Variants in LIX1L observed in about 807,000 individuals in gnomAD.
LIX1L encodes the protein limb and CNS expressed 1 like, also known as LIX1-like protein.
Under a neutral mutation model 34.0 loss-of-function variants are expected in LIX1L, and 20 were observed. That is an observed-to-expected ratio of 0.59 (90% confidence interval 0.41 to 0.85). The LOEUF (loss-of-function observed/expected upper bound fraction) is 0.85, where lower values mean the gene tolerates loss of function less well. Among genes scored for constraint, LIX1L ranks in the 40% least tolerant of loss-of-function variants. The probability of loss-of-function intolerance (pLI) is 0.00; values close to 1 mark genes in which losing one functional copy is unlikely to be tolerated. For missense variants in LIX1L, 397 were observed against 447.0 expected (o/e 0.89, Z 1.01); for synonymous variants, 170 against 187.4 (o/e 0.91, Z 0.76).
rs587658296 is a variant in LIX1L, at chr1:145,935,870, A to G, written c.*440T>C. The G allele has an allele frequency of 4.1e-5, 7 of 170,556 alleles. No individual in the cohort carries two copies. In the East Asian group the frequency reaches 1.0e-3, roughly 25 times the overall value. 10.6% of individuals were successfully genotyped at this position (170,556 alleles called of 1,614,324 possible). On this transcript the variant is annotated 3_prime_UTR_variant, in exon 6 of 6. Transcript: ENST00000604000. ...GATAGCAAGCAGGTTCAGTTCAGGA[A>G]CTAAAGGCAAAATCTTCATACTCAT...
chr1:145,949,337 G>A (rs1553759543), intron 1 of LIX1L, among the ~76,000 whole-genome samples: 1 of 152,174 alleles, frequency 6.6e-6, no homozygotes, highest in East Asian at 1.9e-4. Flanking sequence ...ACCCTGAGGA[G>A]GCAATATCTA....
intron 1 of LIX1L, among the ~76,000 whole-genome samples, chr1:145,957,254 G>A (rs782721018): frequency 6.6e-6 from 1 of 152,166 alleles, no homozygotes; most frequent in African/African-American, 2.4e-5. Flanking sequence ...AAGACTGAGA[G>A]GGTATGGATG....
At chr1:145,936,671 T>C (rs1648658307) in intron 5 of LIX1L, 119 bp from the exon 6 acceptor site, 1 of 1,246,340 alleles carries the variant, frequency 8.0e-7, no homozygotes, top group South Asian at 1.4e-5. Flanking sequence ...AGCACCTAAG[T>C]TCTTCAAGGA....
Position 145,948,437 on chromosome 1 carries a change from C to T in LIX1L, c.293-655G>A, listed in dbSNP as rs1277300364. On this transcript the variant is annotated intron_variant, in intron 1 of 5. Transcript: ENST00000604000. The surrounding 1 kb of genome is among the most constrained non-coding windows in gnomAD (Gnocchi z 4.0). Reference sequence around the variant, plus strand: ...CCAATGAATATTCTTTTATGCAATACTGCTGGCTCAAGGAAATATAGCCCT... The same window carrying T: ...CCAATGAATATTCTTTTATGCAATATTGCTGGCTCAAGGAAATATAGCCCT... 6.6e-6 allele frequency among the ~76,000 whole-genome samples: 1 copy of T among 152,184 alleles called. No individual in the cohort carries two copies. The highest frequency in any genetic ancestry group is 1.5e-5 in the Non-Finnish European group (1 of 68,034).
chr1:145,957,668 C>A lies in LIX1L; in HGVS notation c.260G>T (p.Ser87Ile). Residue 87 changes from serine to isoleucine, a missense_variant, in exon 1 of 6, where the codon AGC becomes ATC. Transcript: ENST00000604000. ...ATAGCCCTGCGTGTGCTTGGCGAAG[C>A]TCCTCACCACGGCCTCCACGGCCTC... is the stretch of plus-strand genomic sequence containing the variant. ...LREAVEAVVR[S>I]FAKHTQGYGR... 6.5e-7 allele frequency: 1 copy of A among 1,541,746 alleles called. No individual in the cohort carries two copies. Among genetic ancestry groups the A allele is most frequent in the Non-Finnish European group, 8.7e-7 (1 of 1,149,660 alleles).
chr1:145,939,129 C>T lies in LIX1L; in HGVS notation c.598-1430G>A, dbSNP rs587693446. Among the ~76,000 whole-genome samples the T allele has an allele frequency of 4.6e-5, 7 of 151,440 alleles. No homozygotes were observed. In the South Asian group the frequency reaches 1.5e-3, roughly 32 times the overall value. ...AGTAGCTGGGATCACAGTCAAGTGC[C>T]TCCATACCCGGCTAATTATTTTATT... On this transcript the variant is annotated intron_variant, in intron 3 of 5. Coordinates refer to ENST00000604000, the MANE Select transcript of LIX1L (RefSeq NM_153713.3).
rs1439630237 is a variant in LIX1L at position 145,941,775 on chromosome 1, T to G, written c.597+938A>C. 3 of 152,188 alleles carry G rather than the reference T, an allele frequency of 2.0e-5. No homozygotes were observed. The East Asian group carries it at 5.8e-4, about 29-fold the overall frequency. 9.4% of individuals were successfully genotyped at this position (152,188 alleles called of 1,614,324 possible). A position where few individuals can be genotyped will look rare whatever the true frequency, so the allele number is the denominator to read the frequency against. ...CTCATCTGTAAAATAGGGGTAATAA[T>G]AGTACTTACACCTCATAAGATTGTT... On this transcript the variant is annotated intron_variant, in intron 3 of 5. Transcript: ENST00000604000.
chr1:145,946,116 AACAAAAAAAC>A (rs1649097490), intron 2 of LIX1L, among the ~76,000 whole-genome samples: 1 of 151,848 alleles, frequency 6.6e-6, no homozygotes, highest in African/African-American at 2.4e-5. Flanking sequence ...AAAACAAAAA[AACAAAAAAAC>A]AAAAAAAAAC....
chr1:145,937,286 G>A (rs1330129985), intron 4 of LIX1L: 5 of 207,458 alleles, frequency 2.4e-5, no homozygotes, highest in African/African-American at 9.3e-5. Flanking sequence ...AGCAATTCTC[G>A]TGCTTCAGCC....
chr1:145,949,940 T>G, intron 1 of LIX1L, among the ~76,000 whole-genome samples: 1 of 151,884 alleles, frequency 6.6e-6, no homozygotes, highest in Non-Finnish European at 1.5e-5. Context: ...CCTTAGCCTC[T>G]GAGTAGCTGG....
intron 1 of LIX1L, among the ~76,000 whole-genome samples, chr1:145,953,134 T>G (rs1553760007): frequency 6.6e-6 from 1 of 152,056 alleles, no homozygotes; most frequent in African/African-American, 2.4e-5. Context: ...CAGGCTGGTC[T>G]CAAACCCTAA....
rs1553757355 is a variant in LIX1L at position 145,934,188 on chromosome 1, A to C, written c.*2122T>G. Reference sequence around the variant, plus strand: ...AATATATATTAGAGACCTCCAAAAAAATTCTCTGAAAGGAGAATACTTTAG... The same window carrying C: ...AATATATATTAGAGACCTCCAAAAACATTCTCTGAAAGGAGAATACTTTAG... On this transcript the variant is annotated 3_prime_UTR_variant, in exon 6 of 6. Transcript: ENST00000604000. The C allele has an allele frequency of 6.6e-6, 1 of 152,158 alleles. No homozygotes were observed. Among genetic ancestry groups the C allele is most frequent in the African/African-American group, 2.4e-5 (1 of 41,418 alleles). 9.4% of individuals were successfully genotyped at this position (152,158 alleles called of 1,614,324 possible).
In LIX1L at chr1:145,936,924, C is replaced by T. The variant is rs1376769237; in HGVS notation, c.755G>A (p.Arg252Gln). The part of the protein sequence containing the change: ...WNGSLKAMRE[R>Q]QCSRQEVLAH... The stretch of plus-strand genomic sequence containing the variant: ...ATCTCTTACCTGCCGAGAGCATTGT[C>T]GTTCCCTCATGGCCTTAAGGCTGCC... Residue 252 changes from arginine (R) to glutamine (Q), a missense_variant, in exon 5 of 6, where the codon CGA becomes CAA. Around this residue, in one of 3 missense-constraint regions of LIX1L, gnomAD observed 174 missense variants for 204.0 expected, o/e 0.85. Transcript: ENST00000604000. The T allele has an allele frequency of 1.9e-6, 3 of 1,612,206 alleles. No individual in the cohort carries two copies. Among genetic ancestry groups the T allele is most frequent in the South Asian group, 2.2e-5 (2 of 91,024 alleles).
chr1:145,938,372 T>G (rs1188858378), intron 3 of LIX1L, among the ~76,000 whole-genome samples: 1 of 152,048 alleles, frequency 6.6e-6, no homozygotes, highest in Non-Finnish European at 1.5e-5. Flanking sequence ...AGACACACTG[T>G]CCTGCATTCA....
At position 145,940,529 on chromosome 1, in the gene LIX1L, T is replaced by TTTC. The variant is rs1330967639; in HGVS notation, c.597+2183_597+2184insGAA. Among the ~76,000 whole-genome samples the TTTC allele has an allele frequency of 3.5e-3, 506 of 145,176 alleles. 8 individuals are homozygous for TTTC. The highest frequency in any genetic ancestry group is 0.028 in the South Asian group (129 of 4,620). ...GCCCAGCTAATTTTTGTATTTTTTC[T>TTTC]TTTTTTTTTTCCTTTTCTTTCTTTT... is the stretch of plus-strand genomic sequence containing the variant. On this transcript the variant is annotated intron_variant, in intron 3 of 5. Coordinates refer to ENST00000604000, the MANE Select transcript of LIX1L (RefSeq NM_153713.3).
intron 5 of LIX1L, 124 bp downstream of exon 5, chr1:145,936,784 A>G (rs1648662374): frequency 2.4e-6 from 2 of 827,458 alleles, no homozygotes; most frequent in Admixed American, 2.0e-5. Context: ...GTACTTAGGT[A>G]AGGCTTTCAA....
chr1:145,950,076 C>T (rs1285171946), intron 1 of LIX1L: 1 of 152,240 alleles, frequency 6.6e-6, no homozygotes, highest in Non-Finnish European at 1.5e-5. Flanking sequence ...TGCTCCTCCT[C>T]CACCTTGGCC....
In LIX1L at chr1:145,933,781, AC is replaced by A. The variant is rs1648517155; in HGVS notation, c.*2528del. 6.6e-6 allele frequency: 1 copy of A among 151,698 alleles called. No homozygotes were observed. 9.4% of individuals were successfully genotyped at this position (151,698 alleles called of 1,614,324 possible). ...CATGGAATACAAACATGGGGCTTCT[AC>A]CCCAGCTCTCTTCTGATTAGTAAGA... On this transcript the variant is annotated 3_prime_UTR_variant, in exon 6 of 6. Transcript: ENST00000604000.
chr1:145,937,032 G>T, intron 4 of LIX1L, 47 bp from the exon 5 acceptor site: 1 of 1,343,934 alleles, frequency 7.4e-7, no homozygotes. Flanking sequence ...TTTTATATTG[G>T]GAGGTTGCAT....
Sources: gnomAD v4.1 joint callset for allele counts (sites outside exome capture counted in the v4.1 genomes callset) on GRCh38, gnomAD v4.1.1 for gene constraint, gnomAD v4.1.1 regional missense constraint, Gnocchi (gnomAD v3.1) non-coding constraint, MANE v1.5 for transcripts, NCBI Gene and HGNC (gene_info 2026-07-23, HGNC 2026-07-21) for gene names.